The following ALG8 variants were observed in gnomAD, a reference collection of about 807,000 sequenced individuals.
The protein encoded by ALG8 is ALG8 alpha-1,3-glucosyltransferase.
Under a neutral mutation model 70.2 loss-of-function variants are expected in ALG8, and 48 were observed. The observed-to-expected ratio is 0.68, with a 90% CI of 0.54 to 0.87. The LOEUF (loss-of-function observed/expected upper bound fraction) is 0.87, where lower values mean the gene tolerates loss of function less well. Ranked by LOEUF, ALG8 falls within the 40% of genes least tolerant of loss-of-function variation. The pLI, the probability that ALG8 is intolerant of heterozygous loss-of-function variation, is 0.00. For synonymous variants in ALG8, 234 were observed against 229.0 expected, an observed-to-expected ratio of 1.02 and a Z score of -0.20; for missense variants, 572 against 608.7, an observed-to-expected ratio of 0.94 and a Z score of 0.64.
rs372478461 is a variant in ALG8 at position 78,106,483 on chromosome 11, T to C, written c.1178+324A>G. Among the ~76,000 whole-genome samples the C allele has an allele frequency of 1.5e-4, 23 of 152,198 alleles. No individual in the cohort carries two copies. The South Asian group carries it at 2.1e-3, about 14-fold the overall frequency. ...AAGTGCTGGGATTACAGGCGTGAGCTACCGCGCCCGGCCAGCCCAGGTTTT... is the reference window on the plus strand; with the variant it reads ...AAGTGCTGGGATTACAGGCGTGAGCCACCGCGCCCGGCCAGCCCAGGTTTT... On this transcript the variant is annotated intron_variant, in intron 10 of 12. Transcript: ENST00000299626.
Position 78,113,589 on chromosome 11 carries a change from T to C in ALG8, c.777+297A>G, listed in dbSNP as rs189875191. Among the ~76,000 whole-genome samples, 111 of 152,002 alleles carry C rather than the reference T, an allele frequency of 7.3e-4. 1 individual carries two copies. In the East Asian group the frequency reaches 0.013, roughly 17 times the overall value. On this transcript the variant is annotated intron_variant, in intron 7 of 12. Transcript: ENST00000299626. ...TTAGCCAGGCATGGTGGCATGTGCC[T>C]GTAATCCCACCTACTCAGGAGGCTG...
chr11:78,116,169 G>A (rs1361915105), intron 5 of ALG8, among the ~76,000 whole-genome samples: 1 of 151,962 alleles, frequency 6.6e-6, no homozygotes, highest in Non-Finnish European at 1.5e-5. Context: ...AGACCAGCCT[G>A]GCCAACATAG....
intron 12 of ALG8, among the ~76,000 whole-genome samples, chr11:78,103,634 A>C (rs1328045267): frequency 2.6e-5 from 4 of 152,206 alleles, no homozygotes; most frequent in Non-Finnish European, 5.9e-5. Context: ...GTCTCAAAAA[A>C]ACGAACAAAA....
chr11:78,136,401 G>A (rs1262883561), intron 1 of ALG8, among the ~76,000 whole-genome samples: 1 of 152,128 alleles, frequency 6.6e-6, no homozygotes, highest in African/African-American at 2.4e-5. Flanking sequence ...AGCTGGGCAT[G>A]GTGGCATCTG....
chr11:78,121,010 G>T, intron 4 of ALG8, 55 bp downstream of exon 4: 1 of 1,404,588 alleles, frequency 7.1e-7, no homozygotes, highest in Non-Finnish European at 1.0e-6. Flanking sequence ...CATTAATCTT[G>T]TATTAGTATA....
intron 2 of ALG8, among the ~76,000 whole-genome samples, chr11:78,125,151 G>A (rs1249226542): frequency 6.6e-6 from 1 of 151,700 alleles, no homozygotes; most frequent in Non-Finnish European, 1.5e-5. Flanking sequence ...TCCTGCCTCA[G>A]CCTCCCGAGT....
chr11:78,104,700 A>G (rs905340576), intron 10 of ALG8, among the ~76,000 whole-genome samples: 6 of 152,216 alleles, frequency 3.9e-5, no homozygotes, highest in Non-Finnish European at 7.3e-5. Context: ...ACAGTGGCTC[A>G]TGCCTTTAAT....
chr11:78,102,546 T>C (rs997330771), intron 12 of ALG8, among the ~76,000 whole-genome samples: 1 of 152,226 alleles, frequency 6.6e-6, no homozygotes, highest in African/African-American at 2.4e-5. Flanking sequence ...CCTGTTTCCA[T>C]TCTTTTGGGT....
At chr11:78,116,990 A>G (rs1860603087) in intron 5 of ALG8, among the ~76,000 whole-genome samples, 1 of 152,190 alleles carries the variant, frequency 6.6e-6, no homozygotes, top group African/African-American at 2.4e-5. Context: ...TATTTGTTCA[A>G]TAAGCATCCA....
intron 9 of ALG8, among the ~76,000 whole-genome samples, chr11:78,108,006 G>A (rs1331943550): frequency 6.6e-6 from 1 of 151,134 alleles, no homozygotes; most frequent in Admixed American, 6.6e-5. Context: ...AAGGCCGGGT[G>A]TGGTGGCTCA....
intron 8 of ALG8, chr11:78,112,238 C>T: frequency 3.4e-6 from 1 of 295,168 alleles, no homozygotes; most frequent in Non-Finnish European, 6.6e-6. Context: ...GATCTCAACA[C>T]CATTGCACTC....
chr11:78,134,881 G>A (rs751327644), intron 1 of ALG8, among the ~76,000 whole-genome samples: 7 of 152,062 alleles, frequency 4.6e-5, no homozygotes, highest in Non-Finnish European at 1.0e-4. Context: ...CATTGGAGTT[G>A]GAATCTAATT....
chr11:78,103,623 C>T (rs558505273), intron 12 of ALG8, among the ~76,000 whole-genome samples: 12 of 152,188 alleles, frequency 7.9e-5, no homozygotes, highest in Non-Finnish European at 1.3e-4. Flanking sequence ...AGCAAAACTC[C>T]GTCTCAAAAA....
chr11:78,112,766 T>C lies in ALG8; in HGVS notation c.782A>G (p.Gln261Arg), dbSNP rs202094137. Residue 261 changes from glutamine to arginine, a missense_variant, in exon 8 of 13, where the codon CAG (glutamine) becomes CGG (arginine). Physicochemically the swap from Gln to Arg is conservative, Grantham distance 43. Coordinates refer to ENST00000299626, the MANE Select transcript of ALG8 (RefSeq NM_024079.5). ...LSLGPFLALN[Q>R]LPQVFSRLFP... ...GAGTCGGGAAAAGACTTGAGGCAGCTGATTCTGTTGAAAAGAGAAATGAAA... is the reference window on the plus strand; with the variant it reads ...GAGTCGGGAAAAGACTTGAGGCAGCCGATTCTGTTGAAAAGAGAAATGAAA... 5 of 1,613,548 alleles carry C rather than the reference T, an allele frequency of 3.1e-6. No homozygotes were observed. Among genetic ancestry groups the C allele is most frequent in the Non-Finnish European group, 4.2e-6 (5 of 1,179,606 alleles).
chr11:78,130,122 C>T (rs865845378), intron 1 of ALG8, among the ~76,000 whole-genome samples: 9 of 152,042 alleles, frequency 5.9e-5, no homozygotes, highest in South Asian at 2.1e-4. Flanking sequence ...GAGGCCAAGG[C>T]GGGTGGATCA....
At chr11:78,110,841 C>G (rs1860253519) in intron 8 of ALG8, among the ~76,000 whole-genome samples, 1 of 152,172 alleles carries the variant, frequency 6.6e-6, no homozygotes, top group African/African-American at 2.4e-5. Context: ...TCTCTTACAG[C>G]TAATAACTAT....
chr11:78,132,994 A>G (rs940522586), intron 1 of ALG8, among the ~76,000 whole-genome samples: 1 of 150,914 alleles, frequency 6.6e-6, no homozygotes, highest in African/African-American at 2.4e-5. Context: ...CCACCACCAC[A>G]CCCGGCTAAT....
At position 78,101,152 on chromosome 11, in the gene ALG8, G is replaced by A. The variant is rs2136868701; in HGVS notation, c.1393C>T (p.Leu465Phe). Residue 465 changes from leucine (L) to phenylalanine (F), a missense_variant, in exon 13 of 13, where the codon CTT becomes TTT. Coordinates refer to ENST00000299626, the MANE Select transcript of ALG8 (RefSeq NM_024079.5). ...CAGACTTCCAGAGGCCCCAGGCCAAGCAGGTAGAAAGTTTCCATCCAATTA... is the reference window on the plus strand; with the variant it reads ...CAGACTTCCAGAGGCCCCAGGCCAAACAGGTAGAAAGTTTCCATCCAATTA... ...LFNWMETFYL[L>F]GLGPLEVCCE... 6.2e-7 allele frequency: 1 copy of A among 1,614,200 alleles called. No individual in the cohort carries two copies.
At position 78,116,108 on chromosome 11, in the gene ALG8, C is replaced by G. The variant is rs549792363; in HGVS notation, c.547-1716G>C. On this transcript the variant is annotated intron_variant, in intron 5 of 12. Transcript: ENST00000299626. ...GGCGTGGTGGCTCATGCCTATAATC[C>G]CAGCACTTTGGGAGACCGAGGCGGG... Among the ~76,000 whole-genome samples, 17 of 152,242 alleles carry G rather than the reference C, an allele frequency of 1.1e-4. No individual in the cohort carries two copies. The East Asian group carries it at 1.2e-3, about 10-fold the overall frequency.
Sources: gnomAD v4.1 joint callset for allele counts (sites outside exome capture counted in the v4.1 genomes callset) on GRCh38, gnomAD v4.1.1 for gene constraint, MANE v1.5 for transcripts, NCBI Gene and HGNC (gene_info 2026-07-23, HGNC 2026-07-21) for gene names.